The following RFTN2 variants were observed in gnomAD, a reference collection of about 807,000 sequenced individuals.
RFTN2 encodes raftlin family member 2.
A neutral mutation model predicts 52.7 loss-of-function variants in RFTN2; 34 were observed. That is an observed-to-expected ratio of 0.64 (90% CI 0.49 to 0.86). The LOEUF is 0.86. RFTN2 is among the 40% of genes least tolerant of loss of function. The probability of loss-of-function intolerance (pLI) is 0.00; values close to 1 mark genes in which losing one functional copy is unlikely to be tolerated. For missense variants in RFTN2, 536 were observed against 600.1 expected (o/e 0.89, Z 1.12); for synonymous variants, 203 against 217.7 (o/e 0.93, Z 0.59).
chr2:197,609,041 C>T (rs983079898), intron 7 of RFTN2, among the ~76,000 whole-genome samples: 3 of 152,128 alleles, frequency 2.0e-5, no homozygotes, highest in African/African-American at 7.2e-5. Context: ...CATTAATGGG[C>T]ATTTGGGTTG....
At chr2:197,573,326 C>T (rs2087350539) in intron 8 of RFTN2, among the ~76,000 whole-genome samples, 1 of 152,172 alleles carries the variant, frequency 6.6e-6, no homozygotes, top group Non-Finnish European at 1.5e-5. Flanking sequence ...AGATGAGGAA[C>T]TTGTTGGGAA....
chr2:197,616,274 ATTT>A (rs147781943), intron 6 of RFTN2, among the ~76,000 whole-genome samples: 1 of 116,588 alleles, frequency 8.6e-6, no homozygotes, highest in African/African-American at 3.1e-5. Flanking sequence ...TCTGCATTTT[ATTT>A]TATTTTATTT....
Position 197,633,757 on chromosome 2 carries a change from T to A in RFTN2, c.679A>T (p.Asn227Tyr), listed in dbSNP as rs1342562487. The change falls in exon 4 of 9, where the codon AAT (asparagine) becomes TAT (tyrosine). Residue 227 changes from asparagine to tyrosine, a missense_variant. Coordinates refer to ENST00000295049, the MANE Select transcript of RFTN2 (RefSeq NM_144629.3). ...GATTTAGAGGAAGTAGGGCTGCCAT[T>A]TTGTTCCATTTGATACTGTCCACTT... The part of the protein sequence containing the change: ...HESGQYQMEQ[N>Y]GSPTSSKSRK... 1.9e-6 allele frequency: 3 copies of A among 1,613,672 alleles called. No individual in the cohort carries two copies. In the African/African-American group the frequency reaches 4.0e-5, roughly 22 times the overall value.
rs191540091 is a variant in RFTN2 at position 197,669,145 on chromosome 2, A to T, written c.139+6175T>A. Reference sequence around the variant, plus strand: ...AACTGCAGTTTTAAAATACAATAAAATTCTATTGAACTATGTATTTCATGG... The same window carrying T: ...AACTGCAGTTTTAAAATACAATAAATTTCTATTGAACTATGTATTTCATGG... On this transcript the variant is annotated intron_variant, in intron 1 of 8. Coordinates refer to ENST00000295049, the MANE Select transcript of RFTN2 (RefSeq NM_144629.3). Among the ~76,000 whole-genome samples, 29 of 152,356 alleles carry T rather than the reference A, an allele frequency of 1.9e-4. No homozygotes were observed. In the East Asian group the frequency reaches 2.5e-3, roughly 13 times the overall value.
chr2:197,629,045 C>T (rs539225118), intron 5 of RFTN2, among the ~76,000 whole-genome samples: 1 of 152,270 alleles, frequency 6.6e-6, no homozygotes, highest in Non-Finnish European at 1.5e-5. Context: ...GGCAATTCCT[C>T]GAGGATCTAG....
Position 197,600,022 on chromosome 2 carries a change from C to CT in RFTN2, c.1155-3954dup, listed in dbSNP as rs949226347. On this transcript the variant is annotated intron_variant, in intron 7 of 8. Coordinates refer to ENST00000295049, the MANE Select transcript of RFTN2 (RefSeq NM_144629.3). ...TACAGGCACACACCACCACATCTGG[C>CT]TTTTTTTTGTATTTTTAGTAGAGAT... Among the ~76,000 whole-genome samples, 22 of 151,952 alleles carry CT rather than the reference C, an allele frequency of 1.4e-4. No individual in the cohort carries two copies. In the Middle Eastern group the frequency reaches 0.01, roughly 70 times the overall value.
chr2:197,665,977 T>C (rs932997144), intron 1 of RFTN2, among the ~76,000 whole-genome samples: 1 of 152,222 alleles, frequency 6.6e-6, no homozygotes, highest in Non-Finnish European at 1.5e-5. Flanking sequence ...ATGGTAAATG[T>C]TGTCCTTTCA....
chr2:197,669,984 G>A (rs7603839), intron 1 of RFTN2, among the ~76,000 whole-genome samples: 70,844 of 151,882 alleles, frequency 0.47, 16,904 homozygotes, highest in Middle Eastern at 0.57. Context: ...CTATACTTCC[G>A]TTTGAGCATA....
chr2:197,595,251 G>T (rs2087777469), intron 8 of RFTN2, among the ~76,000 whole-genome samples: 1 of 152,194 alleles, frequency 6.6e-6, no homozygotes, highest in Non-Finnish European at 1.5e-5. Flanking sequence ...GCAAGATCAG[G>T]CACATTCATT....
At position 197,625,784 on chromosome 2, in the gene RFTN2, T is replaced by A. The variant is rs185431288; in HGVS notation, c.928+5227A>T. Among the ~76,000 whole-genome samples, 484 of 143,622 alleles carry A rather than the reference T, an allele frequency of 3.4e-3. 1 individual carries two copies. The highest frequency in any genetic ancestry group is 5.1e-3 in the Non-Finnish European group (337 of 65,752). The allele number at this position is 143,622 out of a possible 152,430, so 94.2% of individuals were successfully genotyped here. On this transcript the variant is annotated intron_variant, in intron 5 of 8. Coordinates refer to ENST00000295049, the MANE Select transcript of RFTN2 (RefSeq NM_144629.3). ...TTTTCTCTCCTCTCTTTTCCTTTCC[T>A]TTCTTCTTTTTTTGAGATGGAGTCT...
At chr2:197,585,236 C>T (rs565164328) in intron 8 of RFTN2, among the ~76,000 whole-genome samples, 1 of 152,230 alleles carries the variant, frequency 6.6e-6, no homozygotes, top group South Asian at 2.1e-4. Flanking sequence ...CTTTTTGCAA[C>T]AGGGCTTTAT....
In RFTN2 at chr2:197,571,360, GGAGCAACAACATTTATGTACAA is replaced by G. The variant is rs1019360559; in HGVS notation, c.*626_*647del. Reference sequence around the variant, plus strand: ...TGCTGTCTGCATTTTTAGGCTTTTAGGAGCAACAACATTTATGTACAATGAATCAGTACAGGGTTGGTGACAT... The same window carrying G: ...TGCTGTCTGCATTTTTAGGCTTTTAGTGAATCAGTACAGGGTTGGTGACAT... On this transcript the variant is annotated 3_prime_UTR_variant, in exon 9 of 9. Coordinates refer to ENST00000295049, the MANE Select transcript of RFTN2 (RefSeq NM_144629.3). The G allele has an allele frequency of 6.6e-6, 1 of 152,386 alleles. No individual in the cohort carries two copies. The highest frequency in any genetic ancestry group is 1.5e-5 in the Non-Finnish European group (1 of 68,020). The allele number at this position is 152,386 out of a possible 1,614,324, so 9.4% of individuals were successfully genotyped here.
rs2087302116 is a variant in RFTN2 at position 197,570,729 on chromosome 2, CAAAA to C, written c.*1275_*1278del. 1 of 151,864 alleles carries C rather than the reference CAAAA, an allele frequency of 6.6e-6. No homozygotes were observed. Among genetic ancestry groups the C allele is most frequent in the Admixed American group, 6.6e-5 (1 of 15,248 alleles). The allele number at this position is 151,864 out of a possible 1,614,324, so 9.4% of individuals were successfully genotyped here. A position where few individuals can be genotyped will look rare whatever the true frequency, so the allele number is the denominator to read the frequency against. On this transcript the variant is annotated 3_prime_UTR_variant, in exon 9 of 9. Transcript: ENST00000295049. Reference sequence around the variant, plus strand: ...TGGGTGACAGAGTGAGACTCCGTCTCAAAAAAAGCCACAAAAAACCCCCAAACCA... The same window carrying C: ...TGGGTGACAGAGTGAGACTCCGTCTCAAAGCCACAAAAAACCCCCAAACCA...
intron 1 of RFTN2, among the ~76,000 whole-genome samples, chr2:197,651,759 G>A (rs551556169): frequency 1.3e-5 from 2 of 152,070 alleles, no homozygotes; most frequent in Admixed American, 6.5e-5. Flanking sequence ...AAGTACAATG[G>A]CATCTATTTT....
chr2:197,633,089 T>A (rs1476840125), intron 4 of RFTN2, among the ~76,000 whole-genome samples: 1 of 152,206 alleles, frequency 6.6e-6, no homozygotes, highest in African/African-American at 2.4e-5. Context: ...TTTTAAAGCA[T>A]GCCCACAAAG....
chr2:197,616,640 T>C (rs1268310808), intron 6 of RFTN2, among the ~76,000 whole-genome samples: 1 of 151,970 alleles, frequency 6.6e-6, no homozygotes, highest in Non-Finnish European at 1.5e-5. Flanking sequence ...ATCCAAGAAG[T>C]TTCTAGAACA....
At chr2:197,630,384 A>G (rs1474505223) in intron 5 of RFTN2, among the ~76,000 whole-genome samples, 1 of 151,442 alleles carries the variant, frequency 6.6e-6, no homozygotes, top group Non-Finnish European at 1.5e-5. Flanking sequence ...TCTTTTTTTA[A>G]CCCTCATCTC....
In RFTN2 at chr2:197,623,242, C is replaced by T. The variant is rs1574716761; in HGVS notation, c.929-5321G>A. Reference sequence around the variant, plus strand: ...ACATTTATGATTCATGGGAGGAGGCCAAAATATCAACATGAACAGGAGTTT... The same window carrying T: ...ACATTTATGATTCATGGGAGGAGGCTAAAATATCAACATGAACAGGAGTTT... On this transcript the variant is annotated intron_variant, in intron 5 of 8. Transcript: ENST00000295049. Among the ~76,000 whole-genome samples, 2 of 152,252 alleles carry T rather than the reference C, an allele frequency of 1.3e-5. 1 individual carries two copies.
chr2:197,617,038 G>C (rs777649266), intron 6 of RFTN2, among the ~76,000 whole-genome samples: 4 of 152,166 alleles, frequency 2.6e-5, no homozygotes, highest in Non-Finnish European at 4.4e-5. Flanking sequence ...TGTCATCTCT[G>C]TTTGTGAAGG....
Sources: allele counts gnomAD v4.1 joint callset (sites outside exome capture counted in the v4.1 genomes callset), GRCh38; gene constraint gnomAD v4.1.1; transcripts MANE v1.5; gene names NCBI Gene and HGNC (gene_info 2026-07-23, HGNC 2026-07-21).